Variants in DGAT2 observed in about 807,000 individuals in gnomAD.
DGAT2 encodes diacylglycerol O-acyltransferase 2.
A neutral mutation model predicts 48.4 loss-of-function variants in DGAT2; 33 were observed. The observed-to-expected ratio is 0.68, with a 90% CI of 0.52 to 0.91. DGAT2 has a LOEUF of 0.91. Ranked by LOEUF, DGAT2 falls within the 40% of genes least tolerant of loss-of-function variation. The probability of loss-of-function intolerance (pLI) is 0.00; values close to 1 mark genes in which losing one functional copy is unlikely to be tolerated. For missense variants in DGAT2, 446 were observed against 493.7 expected, an observed-to-expected ratio of 0.90 and a Z score of 0.92; for synonymous variants, 191 against 194.1, an observed-to-expected ratio of 0.98 and a Z score of 0.13.
intron 2 of DGAT2, among the ~76,000 whole-genome samples, chr11:75,785,825 A>G (rs1417424293): frequency 6.6e-6 from 1 of 152,218 alleles, no homozygotes; most frequent in Non-Finnish European, 1.5e-5. Flanking sequence ...TTGCAGGGCC[A>G]AGGGATAGAA....
intron 1 of DGAT2, among the ~76,000 whole-genome samples, chr11:75,769,702 TTTCCCAAGCGAGGAATAGCAACTC>T (rs1220769971): frequency 3.9e-5 from 6 of 152,084 alleles, no homozygotes; most frequent in Non-Finnish European, 7.4e-5. Flanking sequence ...CCCCGCAGCT[TTTCCCAAGCGAGGAATAGCAACTC>T]TTCCAACCCC....
At chr11:75,788,161 C>G (rs904029915) in intron 2 of DGAT2, among the ~76,000 whole-genome samples, 1 of 152,126 alleles carries the variant, frequency 6.6e-6, no homozygotes, top group Non-Finnish European at 1.5e-5. Context: ...CCTATCTGGC[C>G]CACCTGGAGC....
chr11:75,796,968 C>T (rs1945063101), intron 5 of DGAT2, 190 bp from the exon 6 acceptor site: 1 of 525,902 alleles, frequency 1.9e-6, no homozygotes, highest in African/African-American at 1.9e-5. Flanking sequence ...TCATTAGCTG[C>T]ATTTTACAGA....
chr11:75,796,915 G>A (rs2135780467), intron 5 of DGAT2: 1 of 460,104 alleles, frequency 2.2e-6, no homozygotes. Context: ...TTAGGGCCCT[G>A]GGAATGTTTG....
chr11:75,780,097 T>G (rs1472294504), intron 1 of DGAT2, among the ~76,000 whole-genome samples: 1 of 152,054 alleles, frequency 6.6e-6, no homozygotes, highest in Non-Finnish European at 1.5e-5. Flanking sequence ...GCAGATGTGG[T>G]GAGGGGGCAG....
intron 1 of DGAT2, among the ~76,000 whole-genome samples, chr11:75,784,212 A>T (rs1490440253): frequency 6.6e-6 from 1 of 152,198 alleles, no homozygotes; most frequent in Admixed American, 6.5e-5. Flanking sequence ...CCTTGGCCTC[A>T]CAGACAGATA....
At chr11:75,772,343 G>A (rs1305734657) in intron 1 of DGAT2, among the ~76,000 whole-genome samples, 1 of 152,112 alleles carries the variant, frequency 6.6e-6, no homozygotes, top group African/African-American at 2.4e-5. Context: ...TATGAAGTAA[G>A]CCCCAGGTGA....
Position 75,800,604 on chromosome 11 carries a change from A to C in DGAT2, c.*96A>C. On this transcript the variant is annotated 3_prime_UTR_variant, in exon 8 of 8. Coordinates refer to ENST00000228027, the MANE Select transcript of DGAT2 (RefSeq NM_032564.5). ...TGTCATGGGTGTCTGTGGGTTATTT[A>C]AAAGAAATTATAACAATTTTGCTAA... is the stretch of plus-strand genomic sequence containing the variant. 1 of 1,400,308 alleles carries C rather than the reference A, an allele frequency of 7.1e-7. No individual in the cohort carries two copies. The highest frequency in any genetic ancestry group is 1.5e-5 in the African/African-American group (1 of 68,506). The allele number at this position is 1,400,308 out of a possible 1,614,324, so 86.7% of individuals were successfully genotyped here.
At chr11:75,787,091 T>C (rs368842696) in intron 2 of DGAT2, among the ~76,000 whole-genome samples, 2 of 152,204 alleles carry the variant, frequency 1.3e-5, no homozygotes. Flanking sequence ...CTGCAACTGC[T>C]ACAAAGTTAT....
Position 75,798,226 on chromosome 11 carries a change from G to A in DGAT2, c.810-1G>A. 6.2e-7 allele frequency: 1 copy of A among 1,614,156 alleles called. No individual in the cohort carries two copies. Among genetic ancestry groups the A allele is most frequent in the South Asian group, 1.1e-5 (1 of 91,078 alleles). On this transcript the variant is annotated splice_acceptor_variant, in intron 6 of 7. Transcript: ENST00000228027. LOFTEE classifies it high-confidence loss of function. Reference sequence around the variant, plus strand: ...GACAGACCCTGGCCTCTCCCTTCCAGAGCTGACCTGGTTCCCATCTACTCC... The same window carrying A: ...GACAGACCCTGGCCTCTCCCTTCCAAAGCTGACCTGGTTCCCATCTACTCC...
intron 1 of DGAT2, 92 bp from the exon 2 acceptor site, chr11:75,784,526 A>G: frequency 6.5e-7 from 1 of 1,537,634 alleles, no homozygotes; most frequent in Non-Finnish European, 8.9e-7. Context: ...TCTCATATCT[A>G]GAAGGGTACC....
chr11:75,797,199 T>C lies in DGAT2; in HGVS notation c.676T>C (p.Ser226Pro). 1.9e-6 allele frequency: 3 copies of C among 1,556,212 alleles called. No individual in the cohort carries two copies. Among genetic ancestry groups the C allele is most frequent in the Non-Finnish European group, 2.6e-6 (3 of 1,149,376 alleles). Residue 226 changes from serine to proline, a missense_variant, in exon 6 of 8, where the codon TCA becomes CCA. By Grantham distance (74) the Ser-to-Pro change is moderately conservative. Coordinates refer to ENST00000228027, the MANE Select transcript of DGAT2 (RefSeq NM_032564.5). ...CCGGGACACCATAGACTATTTGCTT[T>C]CAAAGAATGGGAGTGGCAATGCTAT... The part of the protein sequence containing the change: ...VSRDTIDYLL[S>P]KNGSGNAIII...
At chr11:75,787,289 A>C (rs967726330) in intron 2 of DGAT2, among the ~76,000 whole-genome samples, 6 of 152,210 alleles carry the variant, frequency 3.9e-5, no homozygotes, top group African/African-American at 1.4e-4. Context: ...CATCATATTT[A>C]ATTTTCCCAA....
In DGAT2 at chr11:75,769,068, C is replaced by A; in HGVS notation, c.77C>A (p.Ser26Tyr). 1 of 1,582,666 alleles carries A rather than the reference C, an allele frequency of 6.3e-7. No homozygotes were observed. Among genetic ancestry groups the A allele is most frequent in the Non-Finnish European group, 8.6e-7 (1 of 1,167,264 alleles). The change falls in exon 1 of 8, where the codon TCT (serine) becomes TAT (tyrosine). Residue 26 changes from serine to tyrosine, a missense_variant. Physicochemically the swap from Ser to Tyr is moderately radical, Grantham distance 144. Coordinates refer to ENST00000228027, the MANE Select transcript of DGAT2 (RefSeq NM_032564.5). ...GCCGAGGCTGACCGGAGCCAGCGCTCTCACGGAGGACCTGCGCTGTCGCGC... is the reference window on the plus strand; with the variant it reads ...GCCGAGGCTGACCGGAGCCAGCGCTATCACGGAGGACCTGCGCTGTCGCGC... ...RQAEADRSQRSHGGPALSREG... is the reference protein window; with the variant it reads ...RQAEADRSQRYHGGPALSREG...
intron 1 of DGAT2, among the ~76,000 whole-genome samples, chr11:75,783,245 A>C (rs1233610519): frequency 6.6e-6 from 1 of 152,162 alleles, no homozygotes; most frequent in East Asian, 1.9e-4. Context: ...GTCTGAACCT[A>C]GGTTTGACTC....
In DGAT2 at chr11:75,796,464, G is replaced by C; in HGVS notation, c.566G>C (p.Arg189Pro). 6.2e-7 allele frequency: 1 copy of C among 1,613,988 alleles called. No homozygotes were observed. The highest frequency in any genetic ancestry group is 8.5e-7 in the Non-Finnish European group (1 of 1,180,036). ...TEVSKKFPGI[R>P]PYLATLAGNF... ...GTGAGCAAGAAGTTCCCAGGCATAC[G>C]GCCTTACCTGGCTACACTGGCAGGC... The change falls in exon 5 of 8, where the codon CGG (arginine) becomes CCG (proline). Residue 189 changes from arginine (R) to proline (P), a missense_variant. Transcript: ENST00000228027.
intron 1 of DGAT2, among the ~76,000 whole-genome samples, chr11:75,782,731 G>A (rs890563446): frequency 6.6e-6 from 1 of 152,244 alleles, no homozygotes; most frequent in South Asian, 2.1e-4. Flanking sequence ...AGGTTGACCA[G>A]GCCCTGAGCA....
At chr11:75,781,153 G>T (rs1188429117) in intron 1 of DGAT2, among the ~76,000 whole-genome samples, 1 of 152,218 alleles carries the variant, frequency 6.6e-6, no homozygotes, top group Non-Finnish European at 1.5e-5. Flanking sequence ...CTTCAAATAG[G>T]TTATTTCTGT....
intron 1 of DGAT2, 97 bp downstream of exon 1, chr11:75,769,209 C>T: frequency 1.4e-6 from 2 of 1,389,556 alleles, no homozygotes; most frequent in South Asian, 3.1e-5. Flanking sequence ...CACGTTCATT[C>T]TCCACTGTGG....
Sources: allele counts gnomAD v4.1 joint callset (sites outside exome capture counted in the v4.1 genomes callset), GRCh38; gene constraint gnomAD v4.1.1; transcripts MANE v1.5; gene names NCBI Gene and HGNC (gene_info 2026-07-23, HGNC 2026-07-21).